The following THSD7A variants were observed in gnomAD, a reference collection of about 807,000 sequenced individuals.
THSD7A encodes the protein thrombospondin type 1 domain containing 7A.
In THSD7A, 96 loss-of-function variants were observed where a neutral mutation model predicts 231.3. The observed-to-expected ratio is 0.41, with a 90% confidence interval of 0.35 to 0.49. The LOEUF is 0.49. Ranked by LOEUF, THSD7A falls within the 20% of genes least tolerant of loss-of-function variation. THSD7A has a pLI of 0.05. For synonymous variants in THSD7A, 940 were observed against 743.3 expected (o/e 1.26, Z -4.30); for missense variants, 2,290 against 2,070.2 (o/e 1.11, Z -2.06).
Position 11,467,875 on chromosome 7 carries a change from T to C in THSD7A, c.2368+2004A>G, listed in dbSNP as rs1332884873. ...TTCCTAATTCCTGGATACATTCCAA[T>C]ATCCAAAATTATTTTCAAATAAAGG... On this transcript the variant is annotated intron_variant, in intron 9 of 27. Coordinates refer to ENST00000423059, the MANE Select transcript of THSD7A (RefSeq NM_015204.3). Among the ~76,000 whole-genome samples, 12 of 152,038 alleles carry C rather than the reference T, an allele frequency of 7.9e-5. No homozygotes were observed. In the East Asian group the frequency reaches 1.9e-3, roughly 24 times the overall value.
At chr7:11,829,671 A>G (rs753946639) in intron 1 of THSD7A, among the ~76,000 whole-genome samples, 1 of 152,132 alleles carries the variant, frequency 6.6e-6, no homozygotes, top group Non-Finnish European at 1.5e-5. Flanking sequence ...ATCAAGTGAT[A>G]CACACATAGT....
At chr7:11,480,211 A>G (rs1273191821) in intron 7 of THSD7A, among the ~76,000 whole-genome samples, 1 of 152,218 alleles carries the variant, frequency 6.6e-6, no homozygotes, top group Non-Finnish European at 1.5e-5. Flanking sequence ...GATGATACAT[A>G]TCAAAGAGCA....
chr7:11,818,472 G>T (rs1335321205), intron 1 of THSD7A, among the ~76,000 whole-genome samples: 1 of 152,106 alleles, frequency 6.6e-6, no homozygotes, highest in African/African-American at 2.4e-5. Flanking sequence ...GTGTGTCAAC[G>T]GGAAGGTCAT....
At chr7:11,510,072 A>G (rs529358921) in intron 6 of THSD7A, among the ~76,000 whole-genome samples, 6 of 152,282 alleles carry the variant, frequency 3.9e-5, no homozygotes, top group Admixed American at 3.9e-4. Flanking sequence ...AGAAGTCATT[A>G]TTTGAAAAAG....
chr7:11,604,797 A>G (rs959259069), intron 2 of THSD7A, among the ~76,000 whole-genome samples: 1 of 152,188 alleles, frequency 6.6e-6, no homozygotes, highest in African/African-American at 2.4e-5. Flanking sequence ...GGATATATCC[A>G]GCATATATCC....
intron 13 of THSD7A, among the ~76,000 whole-genome samples, chr7:11,436,053 C>A (rs976385351): frequency 6.6e-6 from 1 of 151,966 alleles, no homozygotes. Flanking sequence ...TAATAACAAA[C>A]CTTGGGAATC....
chr7:11,411,338 GC>G lies in THSD7A; in HGVS notation c.3683-17del. 1 of 1,569,602 alleles carries G rather than the reference GC, an allele frequency of 6.4e-7. No homozygotes were observed. Among genetic ancestry groups the G allele is most frequent in the Non-Finnish European group, 8.8e-7 (1 of 1,140,930 alleles). On this transcript the variant is annotated splice_polypyrimidine_tract_variant and intron_variant, in intron 18 of 27. Transcript: ENST00000423059. This position sits in a 1 kb window ranked among gnomAD's most constrained non-coding sequence, Gnocchi z 4.1. Reference sequence around the variant, plus strand: ...GTACTCCAGTCTGAAAAAAAGGGAAGCCCATCAGAACAGAAGGCTAAGTAAG... The same window carrying G: ...GTACTCCAGTCTGAAAAAAAGGGAAGCCATCAGAACAGAAGGCTAAGTAAG...
chr7:11,764,181 G>C (rs547753800), intron 1 of THSD7A, among the ~76,000 whole-genome samples: 5 of 152,182 alleles, frequency 3.3e-5, no homozygotes, highest in African/African-American at 7.2e-5. Flanking sequence ...GGTAGAAAGA[G>C]TACGAACTTG....
intron 6 of THSD7A, among the ~76,000 whole-genome samples, chr7:11,509,130 T>A (rs937685869): frequency 6.6e-6 from 1 of 152,236 alleles, no homozygotes; most frequent in South Asian, 2.1e-4. Flanking sequence ...ACTTTACATA[T>A]AATTTTTAAA....
intron 1 of THSD7A, among the ~76,000 whole-genome samples, chr7:11,692,880 A>G (rs77651551): frequency 6.6e-6 from 1 of 151,514 alleles, no homozygotes; most frequent in African/African-American, 2.4e-5. Context: ...TCAGGAGAAG[A>G]TTCTATGATC....
chr7:11,797,778 A>G (rs927682148), intron 1 of THSD7A, among the ~76,000 whole-genome samples: 2 of 152,150 alleles, frequency 1.3e-5, no homozygotes, highest in African/African-American at 4.8e-5. Context: ...AGCATGCTAA[A>G]TTAATTTCTA....
At chr7:11,625,490 T>C (rs536487831) in intron 2 of THSD7A, among the ~76,000 whole-genome samples, 1 of 152,164 alleles carries the variant, frequency 6.6e-6, no homozygotes, top group Admixed American at 6.5e-5. Context: ...TTGTACTAAG[T>C]AGAGAAGAAA....
chr7:11,509,490 T>C (rs1196818026), intron 6 of THSD7A, among the ~76,000 whole-genome samples: 4 of 152,116 alleles, frequency 2.6e-5, no homozygotes, highest in Non-Finnish European at 5.9e-5. Context: ...AAATTAATAT[T>C]TACAATTTAC....
At chr7:11,496,825 C>A (rs1241659933) in intron 6 of THSD7A, among the ~76,000 whole-genome samples, 1 of 152,046 alleles carries the variant, frequency 6.6e-6, no homozygotes, top group Non-Finnish European at 1.5e-5. Context: ...AAACATTTAG[C>A]CAACCAAGGG....
At position 11,512,959 on chromosome 7, in the gene THSD7A, A is replaced by ATATATATATATATATATATATATATG. The variant is rs1449312863; in HGVS notation, c.1822+28459_1822+28460insCATATATATATATATATATATATATA. Among the ~76,000 whole-genome samples, 97 of 142,590 alleles carry ATATATATATATATATATATATATATG rather than the reference A, an allele frequency of 6.8e-4. 1 individual carries two copies. Among genetic ancestry groups the ATATATATATATATATATATATATATG allele is most frequent in the Admixed American group, 1.6e-3 (23 of 14,644 alleles). The allele number at this position is 142,590 out of a possible 152,430, so 93.5% of individuals were successfully genotyped here. A position where few individuals can be genotyped will look rare whatever the true frequency, so the allele number is the denominator to read the frequency against. On this transcript the variant is annotated intron_variant, in intron 6 of 27. Transcript: ENST00000423059. ...GAAACTATGATATATATATATATAT[A>ATATATATATATATATATATATATATG]TGTAAAATACTACTCAGCCATAAAA...
intron 1 of THSD7A, among the ~76,000 whole-genome samples, chr7:11,738,741 T>C (rs1583242699): frequency 1.3e-5 from 2 of 151,928 alleles, no homozygotes; most frequent in South Asian, 4.1e-4. Context: ...GCCTTGAAGA[T>C]GGAAGAAAAG....
Position 11,709,403 on chromosome 7 carries a change from C to T in THSD7A, c.191-72442G>A, listed in dbSNP as rs114190191. 8.0e-3 allele frequency among the ~76,000 whole-genome samples: 1,199 copies of T among 150,804 alleles called. 11 individuals carry two copies. Among genetic ancestry groups the T allele is most frequent in the African/African-American group, 0.027 (1,133 of 41,350 alleles). On this transcript the variant is annotated intron_variant, in intron 1 of 27. Coordinates refer to ENST00000423059, the MANE Select transcript of THSD7A (RefSeq NM_015204.3). ...ATTTACACACCACTGAGTGTCAGGG[C>T]TGCTATGCTTTCTAACTTACCAGTC...
In THSD7A at chr7:11,796,608, T is replaced by C. The variant is rs115828474; in HGVS notation, c.190+35149A>G. Among the ~76,000 whole-genome samples, 575 of 150,608 alleles carry C rather than the reference T, an allele frequency of 3.8e-3. 4 individuals carry two copies. The highest frequency in any genetic ancestry group is 0.013 in the African/African-American group (533 of 40,458). ...TTTTTTCATTTAGGTCTTCCTTTTC[T>C]CTTGTAAGATTATCTCTAAGTATTT... On this transcript the variant is annotated intron_variant, in intron 1 of 27. Coordinates refer to ENST00000423059, the MANE Select transcript of THSD7A (RefSeq NM_015204.3).
intron 1 of THSD7A, among the ~76,000 whole-genome samples, chr7:11,764,780 T>C (rs567947957): frequency 6.6e-6 from 1 of 152,242 alleles, no homozygotes; most frequent in African/African-American, 2.4e-5. Context: ...AATAAGTCAA[T>C]TTATTCAATT....
Sources: allele counts gnomAD v4.1 joint callset (sites outside exome capture counted in the v4.1 genomes callset), GRCh38; gene constraint gnomAD v4.1.1; non-coding constraint Gnocchi (gnomAD v3.1); transcripts MANE v1.5; gene names NCBI Gene and HGNC (gene_info 2026-07-23, HGNC 2026-07-21).